XKR9: variants seen among roughly 807,000 people sequenced by gnomAD.
The protein encoded by XKR9 is XK-related protein 9.
In XKR9, 32 loss-of-function variants were observed where a neutral mutation model predicts 32.0. The observed-to-expected ratio is 1.00, with a 90% CI of 0.76 to 1.34. The LOEUF is 1.34. XKR9 is among the 40% of genes most tolerant of loss of function. The pLI, the probability that XKR9 is intolerant of heterozygous loss-of-function variation, is 0.00. For synonymous variants in XKR9, 168 were observed against 143.4 expected, an observed-to-expected ratio of 1.17 and a Z score of -1.22; for missense variants, 546 against 429.7, an observed-to-expected ratio of 1.27 and a Z score of -2.39.
chr8:70,910,800 G>A, the XKR9 span, among the ~76,000 whole-genome samples: 1 of 152,204 alleles, frequency 6.6e-6, no homozygotes, highest in Non-Finnish European at 1.5e-5. Context: ...AGGAAGAACT[G>A]GTCTTCAGGC....
the XKR9 span, among the ~76,000 whole-genome samples, chr8:70,840,584 G>A: frequency 1.3e-5 from 2 of 152,080 alleles, no homozygotes; most frequent in Non-Finnish European, 2.9e-5. Context: ...TCATAGCAAT[G>A]ATTCCATCCT....
chr8:71,041,204 C>G, the XKR9 span, among the ~76,000 whole-genome samples: 2 of 151,984 alleles, frequency 1.3e-5, no homozygotes, highest in East Asian at 3.9e-4. Flanking sequence ...AAGCTGATAC[C>G]AAAAAGAAAG....
At chr8:70,920,952 C>T in the XKR9 span, among the ~76,000 whole-genome samples, 1 of 152,070 alleles carries the variant, frequency 6.6e-6, no homozygotes, top group African/African-American at 2.4e-5. Flanking sequence ...ACCAGTGAGC[C>T]ACATCACCTC....
chr8:70,700,446 A>G (rs1805478577), intron 3 of XKR9, among the ~76,000 whole-genome samples: 1 of 152,118 alleles, frequency 6.6e-6, no homozygotes, highest in South Asian at 2.1e-4. Flanking sequence ...CTAGAGGTCC[A>G]CTCCAGAACC....
the XKR9 span, among the ~76,000 whole-genome samples, chr8:70,851,493 G>A: frequency 6.6e-6 from 1 of 152,038 alleles, no homozygotes; most frequent in South Asian, 2.1e-4. Flanking sequence ...TAAACAAAAA[G>A]AACAAAGCTG....
rs186051456 is a variant in XKR9, at chr8:70,779,445, G to T, written n.353-9894G>T. Among the ~76,000 whole-genome samples the T allele has an allele frequency of 1.0e-3, 158 of 152,208 alleles. 1 individual carries two copies. Among genetic ancestry groups the T allele is most frequent in the Middle Eastern group, 6.8e-3 (2 of 294 alleles). On this transcript the variant is annotated intron_variant and non_coding_transcript_variant, in intron 2 of 3. Coordinates refer to the XKR9 transcript ENST00000520273. ...GTTGTTGTGTCTCTGCCAGGCTTTGGTATCAAGATGATGCTGGCCTCATAA... is the reference window on the plus strand; with the variant it reads ...GTTGTTGTGTCTCTGCCAGGCTTTGTTATCAAGATGATGCTGGCCTCATAA...
At chr8:70,773,328 A>G (rs1807478241) in intron 2 of XKR9, among the ~76,000 whole-genome samples, 1 of 152,212 alleles carries the variant, frequency 6.6e-6, no homozygotes, top group African/African-American at 2.4e-5. Context: ...ATGCGTTAAC[A>G]AATTGGTTCT....
rs1806794603 is a variant in XKR9, at chr8:70,734,355, A to C, written c.1053A>C (p.Thr351=). The change falls in exon 5 of 5, where the codon ACA becomes ACC. Residue 351 remains threonine, a synonymous_variant. Coordinates refer to ENST00000408926, the MANE Select transcript of XKR9 (RefSeq NM_001011720.2). The part of the protein sequence containing the change: ...GSFHPNRSAE[T]KCDEIDGKPV... ...TTCACCCAAACAGAAGTGCAGAAAC[A>C]AAATGTGATGAAATTGATGGAAAAC... 1 of 1,611,022 alleles carries C rather than the reference A, an allele frequency of 6.2e-7. No individual in the cohort carries two copies. Among genetic ancestry groups the C allele is most frequent in the Non-Finnish European group, 8.5e-7 (1 of 1,179,456 alleles).
chr8:70,763,783 T>C (rs1807338035), intron 2 of XKR9, among the ~76,000 whole-genome samples: 1 of 152,196 alleles, frequency 6.6e-6, no homozygotes, highest in Non-Finnish European at 1.5e-5. Context: ...TCAAATGTAC[T>C]GGTGGAGGGG....
chr8:70,896,603 T>C, the XKR9 span, among the ~76,000 whole-genome samples: 1 of 152,006 alleles, frequency 6.6e-6, no homozygotes, highest in Non-Finnish European at 1.5e-5. Context: ...TATTTAATCT[T>C]TCAAAGAACC....
chr8:70,707,165 T>G lies in XKR9; in HGVS notation c.493+12T>G, dbSNP rs1805751795. 2.5e-6 allele frequency: 4 copies of G among 1,607,692 alleles called. No homozygotes were observed. In the African/African-American group the frequency reaches 5.3e-5, roughly 21 times the overall value. On this transcript the variant is annotated intron_variant, in intron 4 of 4. Coordinates refer to ENST00000408926, the MANE Select transcript of XKR9 (RefSeq NM_001011720.2). ...GAATTTCAGTCAGTGTAAGTTTTTC[T>G]TAACTCCTTGTGTTAAATGGATGCC...
At chr8:70,805,158 G>A in the XKR9 span, among the ~76,000 whole-genome samples, 1 of 152,094 alleles carries the variant, frequency 6.6e-6, no homozygotes, top group East Asian at 1.9e-4. Context: ...CAGCACAGCG[G>A]CCCACCTAAG....
chr8:70,966,279 C>T, the XKR9 span, among the ~76,000 whole-genome samples: 13 of 151,934 alleles, frequency 8.6e-5, no homozygotes, highest in Admixed American at 8.5e-4. Context: ...GACAGAGTCT[C>T]ACTCTGTCAC....
the XKR9 span, among the ~76,000 whole-genome samples, chr8:70,815,142 TA>T: frequency 6.6e-6 from 1 of 151,408 alleles, no homozygotes; most frequent in East Asian, 1.9e-4. Flanking sequence ...AGAATTTTTT[TA>T]CATTGTATTT....
chr8:71,056,128 C>A, the XKR9 span, among the ~76,000 whole-genome samples: 1 of 152,088 alleles, frequency 6.6e-6, no homozygotes, highest in Non-Finnish European at 1.5e-5. Context: ...GGAAGTAGAG[C>A]CCCTTAGCCA....
the XKR9 span, among the ~76,000 whole-genome samples, chr8:70,851,216 A>G: frequency 1.3e-5 from 2 of 152,214 alleles, no homozygotes; most frequent in African/African-American, 4.8e-5. Flanking sequence ...TTAGGAATAC[A>G]ACTTACAAGG....
intron 2 of XKR9, among the ~76,000 whole-genome samples, chr8:70,759,549 T>G (rs1246092503): frequency 6.6e-6 from 1 of 152,246 alleles, no homozygotes; most frequent in Non-Finnish European, 1.5e-5. Flanking sequence ...AATGTTTTTT[T>G]TTCTTTGAAG....
chr8:71,003,937 T>G, the XKR9 span, among the ~76,000 whole-genome samples: 2 of 152,140 alleles, frequency 1.3e-5, no homozygotes, highest in African/African-American at 4.8e-5. Context: ...GAGCTTTGTG[T>G]GGAGGATGAG....
the XKR9 span, among the ~76,000 whole-genome samples, chr8:70,902,245 G>A: frequency 7.9e-5 from 12 of 152,310 alleles, no homozygotes; most frequent in East Asian, 3.9e-4. Flanking sequence ...ATCTTGGGCA[G>A]TATGGCCATT....
Sources: allele counts gnomAD v4.1 joint callset (sites outside exome capture counted in the v4.1 genomes callset), GRCh38; gene constraint gnomAD v4.1.1; transcripts MANE v1.5; gene names NCBI Gene and HGNC (gene_info 2026-07-23, HGNC 2026-07-21).